Variants in TTN observed in about 807,000 individuals in gnomAD.
The protein encoded by TTN is connectin.
In TTN, 1,525 loss-of-function variants were observed where a neutral mutation model predicts 3,223.0. The ratio of observed to expected loss-of-function variants is 0.47; its 90% CI spans 0.45 to 0.49. TTN has a LOEUF of 0.49. Among genes scored for constraint, TTN ranks in the 20% least tolerant of loss-of-function variants. The pLI, the probability that TTN is intolerant of heterozygous loss-of-function variation, is 0.00. For synonymous variants in TTN, 14,094 were observed against 15,161.0 expected, an observed-to-expected ratio of 0.93 and a Z score of 5.17; for missense variants, 40,786 against 43,424.0, an observed-to-expected ratio of 0.94 and a Z score of 5.40.
Position 178,712,068 on chromosome 2 carries a change from A to G in TTN, c.27762T>C (p.His9254=), listed in dbSNP as rs1459218629. ...KLRPTTTYKM[H]FRNNVATLVF... is the part of the protein sequence containing the mutation. ...CCAGTGTAGCAACATTATTCCTAAAATGCATTTTGTAAGTCGTAGTGGGTC... is the reference window on the plus strand; with the variant it reads ...CCAGTGTAGCAACATTATTCCTAAAGTGCATTTTGTAAGTCGTAGTGGGTC... Residue 9254 remains histidine, a synonymous_variant, in exon 96 of 363, where the codon CAT becomes CAC. Coordinates refer to ENST00000589042, the MANE Select transcript of TTN (RefSeq NM_001267550.2). 3.1e-6 allele frequency: 5 copies of G among 1,613,782 alleles called. No individual in the cohort carries two copies. Among genetic ancestry groups the G allele is most frequent in the Non-Finnish European group, 4.2e-6 (5 of 1,179,772 alleles).
chr2:178,635,963 C>T lies in TTN; in HGVS notation c.41608G>A (p.Glu13870Lys). The change falls in exon 226 of 363, where the codon GAA becomes AAA. Residue 13870 changes from glutamate (E) to lysine (K), a missense_variant and splice_region_variant. Coordinates refer to ENST00000589042, the MANE Select transcript of TTN (RefSeq NM_001267550.2). ...CGAAATCTCCCAGGAAAGTACTAAC[C>T]TACTACTTTTACGCAAGATGAACAC... Reference protein sequence around the residue: ...LECSSCVKVVEVIRDWLVKPI... With the variant: ...LECSSCVKVVKVIRDWLVKPI... The T allele has an allele frequency of 6.3e-7, 1 of 1,589,518 alleles. No individual in the cohort carries two copies. The highest frequency in any genetic ancestry group is 8.6e-7 in the Non-Finnish European group (1 of 1,166,058).
Position 178,553,739 on chromosome 2 carries a change from T to C in TTN, c.89266A>G (p.Ser29756Gly). 1 of 1,613,410 alleles carries C rather than the reference T, an allele frequency of 6.2e-7. No individual in the cohort carries two copies. The highest frequency in any genetic ancestry group is 8.5e-7 in the Non-Finnish European group (1 of 1,179,584). ...STKSSITLGW[S>G]KPVYDGGSAV... ...CTGCCCCCATCATAGACAGGCTTACTCCAGCCAAGGGTGATGGATGACTTG... is the reference window on the plus strand; with the variant it reads ...CTGCCCCCATCATAGACAGGCTTACCCCAGCCAAGGGTGATGGATGACTTG... Residue 29756 changes from serine to glycine, a missense_variant, in exon 334 of 363, where the codon AGT (serine) becomes GGT (glycine). Coordinates refer to ENST00000589042, the MANE Select transcript of TTN (RefSeq NM_001267550.2).
intron 295 of TTN, 79 bp from the exon 296 acceptor site, chr2:178,594,725 T>C: frequency 8.5e-7 from 1 of 1,178,346 alleles, no homozygotes; most frequent in Non-Finnish European, 1.2e-6. Context: ...AATATTCCTT[T>C]TCTGAAGATT....
In TTN at chr2:178,595,500, T is replaced by A; in HGVS notation, c.57847+7A>T. 1.3e-6 allele frequency: 2 copies of A among 1,544,116 alleles called. No homozygotes were observed. Among genetic ancestry groups the A allele is most frequent in the African/African-American group, 1.4e-5 (1 of 72,306 alleles). On this transcript the variant is annotated splice_region_variant and intron_variant, in intron 295 of 362. Transcript: ENST00000589042. ...GATTAAGTATACATTTTTTTTTTTT[T>A]ACTTACTTATTGGCTCTCTGATAAC... is the stretch of plus-strand genomic sequence containing the variant.
chr2:178,722,671 A>G lies in TTN; in HGVS notation c.22228T>C (p.Phe7410Leu). ...SIGTASSKTV[F>L]RIQERQLPPS... ...AAAATATCATCACCTTGAATTCTGAACACAGTCTTAGAAGAAGCAGTTCCT... is the reference window on the plus strand; with the variant it reads ...AAAATATCATCACCTTGAATTCTGAGCACAGTCTTAGAAGAAGCAGTTCCT... The change falls in exon 76 of 363, where the codon TTC becomes CTC. Residue 7410 changes from phenylalanine (F) to leucine (L), a missense_variant. Phe to Leu is a conservative substitution (Grantham distance 22). Transcript: ENST00000589042. 2 of 1,609,004 alleles carry G rather than the reference A, an allele frequency of 1.2e-6. No individual in the cohort carries two copies. Among genetic ancestry groups the G allele is most frequent in the Non-Finnish European group, 1.7e-6 (2 of 1,177,254 alleles).
rs746125479 is a variant in TTN, at chr2:178,546,120, A to G, written c.95120-4T>C. 6.3e-7 allele frequency: 1 copy of G among 1,598,570 alleles called. No homozygotes were observed. The highest frequency in any genetic ancestry group is 8.5e-7 in the Non-Finnish European group (1 of 1,171,028). ...TTTCCACATGGGCCAGGGGAATCTG[A>G]AACAGGTGTAATGACAAGCCATGAT... On this transcript the variant is annotated splice_polypyrimidine_tract_variant and splice_region_variant and intron_variant, in intron 342 of 362. Transcript: ENST00000589042.
At chr2:178,802,950 A>T (rs995891643) in intron 2 of TTN, among the ~76,000 whole-genome samples, 1 of 152,242 alleles carries the variant, frequency 6.6e-6, no homozygotes, top group East Asian at 1.9e-4. Context: ...CTTCCAGAAC[A>T]ACATGGATCA....
Position 178,778,560 on chromosome 2 carries a change from A to G in TTN, c.4208+314T>C, listed in dbSNP as rs187482681. On this transcript the variant is annotated intron_variant, in intron 24 of 362. Coordinates refer to ENST00000589042, the MANE Select transcript of TTN (RefSeq NM_001267550.2). The stretch of plus-strand genomic sequence containing the variant: ...GCCTCAGTGTTCCTATTTCCAAACC[A>G]ATAATAGTCATCTTTTTATTGCAGG... The G allele has an allele frequency of 4.1e-3, 1,584 of 386,034 alleles. 7 individuals are homozygous for G. Among genetic ancestry groups the G allele is most frequent in the Admixed American group, 6.0e-3 (159 of 26,476 alleles). 23.9% of individuals were successfully genotyped at this position (386,034 alleles called of 1,614,324 possible). A position where few individuals can be genotyped will look rare whatever the true frequency, so the allele number is the denominator to read the frequency against.
At chr2:178,786,323 T>C (rs1574824665) in intron 13 of TTN, among the ~76,000 whole-genome samples, 182 bp from the exon 14 acceptor site, 1 of 152,334 alleles carries the variant, frequency 6.6e-6, no homozygotes, top group South Asian at 2.1e-4. Flanking sequence ...CAGACATCTA[T>C]TTAGATATAC....
intron 278 of TTN, 133 bp downstream of exon 278, chr2:178,606,888 T>G: frequency 2.0e-6 from 2 of 991,470 alleles, no homozygotes; most frequent in Non-Finnish European, 2.9e-6. Flanking sequence ...AATAGTTTTT[T>G]GATTTACTTT....
At position 178,614,503 on chromosome 2, in the gene TTN, A is replaced by C. The variant is rs575621631; in HGVS notation, c.49011T>G (p.Cys16337Trp). 2.7e-5 allele frequency: 43 copies of C among 1,611,210 alleles called. No homozygotes were observed. The South Asian group carries it at 4.2e-4, about 16-fold the overall frequency. The stretch of plus-strand genomic sequence containing the variant: ...CTTCCACCACAGCAGTGGCCCGGCC[A>C]CACACATTCACAGCCTCAATGATAT... ...GTYIIEAVNVCGRATAVVEVN... is the reference protein window; with the variant it reads ...GTYIIEAVNVWGRATAVVEVN... Residue 16337 changes from cysteine (C) to tryptophan (W), a missense_variant, in exon 261 of 363, where the codon TGT becomes TGG. By Grantham distance (215) the Cys-to-Trp change is radical (BLOSUM62 -2). Coordinates refer to ENST00000589042, the MANE Select transcript of TTN (RefSeq NM_001267550.2).
At chr2:178,736,304 C>T (rs1447207959) in intron 49 of TTN, among the ~76,000 whole-genome samples, 3 of 152,150 alleles carry the variant, frequency 2.0e-5, no homozygotes, top group African/African-American at 7.2e-5. Context: ...AAAGAAAAGA[C>T]AAGCGTTCCT....
Position 178,559,432 on chromosome 2 carries a change from G to T in TTN, c.86700C>A (p.Asn28900Lys), listed in dbSNP as rs727504793. The change falls in exon 326 of 363, where the codon AAC (asparagine) becomes AAA (lysine). Residue 28900 changes from asparagine to lysine, a missense_variant. Physicochemically the swap from Asn to Lys is moderately conservative, Grantham distance 94. Coordinates refer to ENST00000589042, the MANE Select transcript of TTN (RefSeq NM_001267550.2). ...KAWVSVTNNCNRLSYKVTNLQ... is the reference protein window; with the variant it reads ...KAWVSVTNNCKRLSYKVTNLQ... ...AATTGGTAACTTTGTAGGAGAGGCGGTTACAGTTGTTGGTCACAGAGACCC... is the reference window on the plus strand; with the variant it reads ...AATTGGTAACTTTGTAGGAGAGGCGTTTACAGTTGTTGGTCACAGAGACCC... 3 of 1,613,718 alleles carry T rather than the reference G, an allele frequency of 1.9e-6. No homozygotes were observed. Among genetic ancestry groups the T allele is most frequent in the Non-Finnish European group, 2.5e-6 (3 of 1,179,722 alleles).
chr2:178,546,923 A>G lies in TTN; in HGVS notation c.94523-18T>C, dbSNP rs1387784367. On this transcript the variant is annotated intron_variant, in intron 340 of 362. Coordinates refer to ENST00000589042, the MANE Select transcript of TTN (RefSeq NM_001267550.2). ...TGGTGCATCTGGAAGGGATGCAAAA[A>G]TAAGGTTAAAATATACCACTCTGAG... The G allele has an allele frequency of 1.3e-6, 2 of 1,572,540 alleles. No homozygotes were observed. Among genetic ancestry groups the G allele is most frequent in the Non-Finnish European group, 1.7e-6 (2 of 1,157,790 alleles).
At chr2:178,753,996 T>C (rs927470144) in intron 46 of TTN, 2 of 152,166 alleles carry the variant, frequency 1.3e-5, no homozygotes. Context: ...GTGCTCTGGC[T>C]TGCGATTCTT....
Position 178,782,257 on chromosome 2 carries a change from T to C in TTN, c.3335A>G (p.His1112Arg). 6.2e-7 allele frequency: 1 copy of C among 1,614,092 alleles called. No homozygotes were observed. The highest frequency in any genetic ancestry group is 1.1e-5 in the South Asian group (1 of 91,076). ...GCQVGGNPKP[H>R]VYWKKSGVPL... ...AACACCAGATTTTTTCCAGTATACATGGGGCTTTGGGTTGCCGCCAACTTG... is the reference window on the plus strand; with the variant it reads ...AACACCAGATTTTTTCCAGTATACACGGGGCTTTGGGTTGCCGCCAACTTG... The change falls in exon 20 of 363, where the codon CAT becomes CGT. Residue 1112 changes from histidine (H) to arginine (R), a missense_variant. His to Arg is a conservative substitution (Grantham distance 29). Transcript: ENST00000589042.
At chr2:178,778,400 G>A in intron 24 of TTN, 1 of 264,784 alleles carries the variant, frequency 3.8e-6, no homozygotes, top group Non-Finnish European at 7.3e-6. Context: ...GGAAAACATA[G>A]AAATGAATTT....
Position 178,618,266 on chromosome 2 carries a change from C to T in TTN, c.47192G>A (p.Arg15731His), listed in dbSNP as rs373613871. The T allele has an allele frequency of 2.0e-5, 33 of 1,612,758 alleles. No individual in the cohort carries two copies. Among genetic ancestry groups the T allele is most frequent in the African/African-American group, 8.0e-5 (6 of 74,932 alleles). The change falls in exon 252 of 363, where the codon CGT (arginine) becomes CAT (histidine). Residue 15731 changes from arginine (R) to histidine (H), a missense_variant. Transcript: ENST00000589042. ...LQKGGVEYLF[R>H]VSARNRVGTG... ...GCCAACTCTGTTTCTTGCACTCACA[C>T]GGAATAGGTACTCAACTCCTCCTTT...
chr2:178,759,022 A>C lies in TTN; in HGVS notation c.10265T>G (p.Val3422Gly), dbSNP rs1280394561. ...GTYTFVASNA[V>G]GQVSSTANLS... ...GTTGGCTGTGCTTGATACTTGGCCT[A>C]CAGCATTACTAGCAACAAACGTGTA... Residue 3422 changes from valine (V) to glycine (G), a missense_variant, in exon 44 of 363, where the codon GTA becomes GGA. Val to Gly is a moderately radical substitution (Grantham distance 109, BLOSUM62 -3). Transcript: ENST00000589042. 1 of 1,614,016 alleles carries C rather than the reference A, an allele frequency of 6.2e-7. No individual in the cohort carries two copies. The highest frequency in any genetic ancestry group is 1.1e-5 in the South Asian group (1 of 91,078).
Sources: gnomAD v4.1 joint callset for allele counts (sites outside exome capture counted in the v4.1 genomes callset) on GRCh38, gnomAD v4.1.1 for gene constraint, MANE v1.5 for transcripts, NCBI Gene and HGNC (gene_info 2026-07-23, HGNC 2026-07-21) for gene names.